WDR36: variants seen among roughly 807,000 people sequenced by gnomAD.
WDR36 encodes WD repeat domain 36, also known as WD repeat-containing protein 36.
WDR36 carries 63 observed loss-of-function variants against 112.7 expected under a neutral mutation model. That is an observed-to-expected ratio of 0.56 (90% confidence interval 0.46 to 0.69). The LOEUF is 0.69. WDR36 is among the 30% of genes least tolerant of loss of function. The pLI is 0.00. For synonymous variants in WDR36, 410 were observed against 362.2 expected, an observed-to-expected ratio of 1.13 and a Z score of -1.50; for missense variants, 1,226 against 1,070.3, an observed-to-expected ratio of 1.15 and a Z score of -2.03.
intron 11 of WDR36, among the ~76,000 whole-genome samples, chr5:111,107,004 T>G (rs1359998716): frequency 1.3e-5 from 2 of 151,468 alleles, no homozygotes. Flanking sequence ...TATTGTAATT[T>G]CTTCTGATTA....
rs140079325 is a variant in WDR36, at chr5:111,097,092, A to C, written c.204A>C (p.Pro68=). Residue 68 remains proline, a synonymous_variant, in exon 3 of 23, where the codon CCA becomes CCC. Transcript: ENST00000513710. ...ATTTTCTGCTAGGTAATTCTGTTCC[A>C]CAGGATATCTGCTGTATGGCAGCTG... is the stretch of plus-strand genomic sequence containing the variant. The part of the protein sequence containing the change: ...LSLVAVSNSV[P]QDICCMAADG... The C allele has an allele frequency of 2.5e-6, 4 of 1,613,176 alleles. No individual in the cohort carries two copies. The African/African-American group carries it at 4.0e-5, about 16-fold the overall frequency.
In WDR36 at chr5:111,097,127, T is replaced by G; in HGVS notation, c.239T>G (p.Leu80Ter). The G allele has an allele frequency of 6.2e-7, 1 of 1,613,866 alleles. No individual in the cohort carries two copies. Among genetic ancestry groups the G allele is most frequent in the Non-Finnish European group, 8.5e-7 (1 of 1,179,872 alleles). ...TGCTGTATGGCAGCTGATGGCAGAT[T>G]AGTCTTTGCTGCTTATGGAAATGTT... ...DICCMAADGRLVFAAYGNVFS... is the reference protein window; with the variant it reads ...DICCMAADGR Residue 80 changes from leucine to a stop codon, truncating the protein, a stop_gained, in exon 3 of 23, where the codon TTA (leucine) becomes TGA (stop). Coordinates refer to ENST00000513710, the MANE Select transcript of WDR36 (RefSeq NM_139281.3). LOFTEE classifies it high-confidence loss of function.
At chr5:111,104,068 T>C (rs1753172612) in intron 7 of WDR36, 109 bp from the exon 8 acceptor site, 2 of 1,375,380 alleles carry the variant, frequency 1.5e-6, no homozygotes, top group East Asian at 2.5e-5. Flanking sequence ...AGATTATTGG[T>C]ATATAGTTTT....
chr5:111,120,407 G>T, intron 17 of WDR36, 89 bp from the exon 18 acceptor site: 3 of 1,046,148 alleles, frequency 2.9e-6, no homozygotes, highest in Non-Finnish European at 1.5e-6. Context: ...ACTAATAAAA[G>T]TCTGTAGTCA....
Position 111,121,828 on chromosome 5 carries a change from T to C in WDR36, c.2148+687T>C, listed in dbSNP as rs1425795745. 2.6e-5 allele frequency among the ~76,000 whole-genome samples: 4 copies of C among 152,026 alleles called. No individual in the cohort carries two copies. In the East Asian group the frequency reaches 7.7e-4, roughly 29 times the overall value. ...GAAAGGAATACAATACAGTGAAAAA[T>C]TTCAGGTTACCTTTTGATCATGAAT... is the stretch of plus-strand genomic sequence containing the variant. On this transcript the variant is annotated intron_variant, in intron 19 of 22. Coordinates refer to ENST00000513710, the MANE Select transcript of WDR36 (RefSeq NM_139281.3).
Position 111,128,861 on chromosome 5 carries a change from T to C in WDR36, c.*1978T>C, listed in dbSNP as rs1348013435. The stretch of plus-strand genomic sequence containing the variant: ...TACTCATGTAATATATGACTACATT[T>C]TGCTTGTGTGCTTTTTGAAAACCAT... On this transcript the variant is annotated 3_prime_UTR_variant, in exon 23 of 23. Transcript: ENST00000513710. 5.3e-6 allele frequency: 1 copy of C among 188,250 alleles called. No individual in the cohort carries two copies. The highest frequency in any genetic ancestry group is 1.1e-5 in the Non-Finnish European group (1 of 89,336). 11.7% of individuals were successfully genotyped at this position (188,250 alleles called of 1,614,324 possible). A position where few individuals can be genotyped will look rare whatever the true frequency, so the allele number is the denominator to read the frequency against.
At chr5:111,093,194 C>T (rs1004354390) in intron 1 of WDR36, among the ~76,000 whole-genome samples, 1 of 152,200 alleles carries the variant, frequency 6.6e-6, no homozygotes, top group African/African-American at 2.4e-5. Context: ...TTTATATAAT[C>T]TATTAAAGTA....
intron 16 of WDR36, among the ~76,000 whole-genome samples, chr5:111,116,381 T>G (rs1753455405): frequency 1.3e-5 from 2 of 152,190 alleles, no homozygotes; most frequent in Non-Finnish European, 2.9e-5. Context: ...AGAACATTGT[T>G]TTCAATTTCT....
At chr5:111,125,247 C>A (rs553406439) in intron 21 of WDR36, among the ~76,000 whole-genome samples, 12 of 152,186 alleles carry the variant, frequency 7.9e-5, no homozygotes, top group African/African-American at 2.9e-4. Context: ...ACTATTAATA[C>A]TTTTGTATGT....
At chr5:111,111,957 G>C in intron 15 of WDR36, among the ~76,000 whole-genome samples, 1 of 151,790 alleles carries the variant, frequency 6.6e-6, no homozygotes. Context: ...TTAATACTTA[G>C]TGACGAACCC....
intron 2 of WDR36, among the ~76,000 whole-genome samples, chr5:111,096,574 C>T (rs1752987762): frequency 6.6e-6 from 1 of 151,950 alleles, no homozygotes; most frequent in African/African-American, 2.4e-5. Flanking sequence ...TGTGGTGGTG[C>T]ACTCCTATAA....
In WDR36 at chr5:111,125,707, T is replaced by G. The variant is rs755808464; in HGVS notation, c.2450T>G (p.Met817Arg). Residue 817 changes from methionine (M) to arginine (R), a missense_variant, in exon 22 of 23, where the codon ATG (methionine) becomes AGG (arginine). Transcript: ENST00000513710. ...GATTGTGGTGGGTCCATAGAAGTTA[T>G]GCAGAGCTTCTTGAAAATGATTGGG... ...SPDCGGSIEV[M>R]QSFLKMIGMM... The G allele has an allele frequency of 1.2e-6, 2 of 1,613,832 alleles. No individual in the cohort carries two copies. Among genetic ancestry groups the G allele is most frequent in the Non-Finnish European group, 1.7e-6 (2 of 1,179,886 alleles).
At chr5:111,096,636 G>T (rs562145067) in intron 2 of WDR36, among the ~76,000 whole-genome samples, 2 of 151,926 alleles carry the variant, frequency 1.3e-5, no homozygotes, top group African/African-American at 4.8e-5. Flanking sequence ...CCTGGGAGGC[G>T]GATGTTGCAG....
At chr5:111,119,504 A>G (rs17132800) in intron 17 of WDR36, among the ~76,000 whole-genome samples, 4,845 of 152,246 alleles carry the variant, frequency 0.032, 261 homozygotes, top group African/African-American at 0.11. Context: ...TGTATATAAA[A>G]TAAGGCACAA....
chr5:111,103,968 T>C (rs767501778), intron 7 of WDR36, 50 bp downstream of exon 7: 1 of 1,603,480 alleles, frequency 6.2e-7, no homozygotes, highest in South Asian at 1.1e-5. Context: ...TTAAAATTCA[T>C]TACTTTAAAA....
chr5:111,130,068 T>G lies in WDR36; in HGVS notation c.*3185T>G, dbSNP rs1753760679. ...GATTTGGGTAAAGCCTTCCTCATGT[T>G]CTATAAAAATTGGTTAACTGCTGGT... On this transcript the variant is annotated 3_prime_UTR_variant, in exon 23 of 23. Coordinates refer to ENST00000513710, the MANE Select transcript of WDR36 (RefSeq NM_139281.3). 4.7e-6 allele frequency: 1 copy of G among 210,966 alleles called. No individual in the cohort carries two copies. Among genetic ancestry groups the G allele is most frequent in the Non-Finnish European group, 9.6e-6 (1 of 103,976 alleles). The allele number at this position is 210,966 out of a possible 1,614,324, so 13.1% of individuals were successfully genotyped here.
intron 19 of WDR36, among the ~76,000 whole-genome samples, chr5:111,122,068 T>G (rs1753577975): frequency 6.6e-6 from 1 of 152,218 alleles, no homozygotes; most frequent in South Asian, 2.1e-4. Flanking sequence ...TCACAGAAGT[T>G]AAAATTGCTT....
Position 111,111,209 on chromosome 5 carries a change from T to G in WDR36, c.1647T>G (p.Ser549Arg). Residue 549 changes from serine to arginine, a missense_variant, in exon 15 of 23, where the codon AGT (serine) becomes AGG (arginine). By Grantham distance (110) the Ser-to-Arg change is moderately radical (BLOSUM62 -1). Coordinates refer to ENST00000513710, the MANE Select transcript of WDR36 (RefSeq NM_139281.3). ...LGLALDDFSISVLDIETRKIV... is the reference protein window; with the variant it reads ...LGLALDDFSIRVLDIETRKIV... The stretch of plus-strand genomic sequence containing the variant: ...TCGCCTTGGATGACTTCTCCATTAG[T>G]GTTCTGGACATAGAAACTAGGAAGA... 6.2e-7 allele frequency: 1 copy of G among 1,611,908 alleles called. No homozygotes were observed. The highest frequency in any genetic ancestry group is 1.1e-5 in the South Asian group (1 of 91,056).
intron 15 of WDR36, among the ~76,000 whole-genome samples, chr5:111,111,721 A>G (rs985230091): frequency 2.6e-5 from 4 of 151,852 alleles, no homozygotes; most frequent in African/African-American, 9.7e-5. Context: ...TTAACTCTGA[A>G]AGGGTTTAAT....
Sources: allele counts gnomAD v4.1 joint callset (sites outside exome capture counted in the v4.1 genomes callset), GRCh38; gene constraint gnomAD v4.1.1; transcripts MANE v1.5; gene names NCBI Gene and HGNC (gene_info 2026-07-23, HGNC 2026-07-21).